Variants in PCDH9 observed in about 807,000 individuals in gnomAD.
PCDH9 encodes protocadherin 9.
A neutral mutation model predicts 70.6 loss-of-function variants in PCDH9; 24 were observed. That is an observed-to-expected ratio of 0.34 (90% CI 0.25 to 0.48). The LOEUF (loss-of-function observed/expected upper bound fraction) is 0.48, where lower values mean the gene tolerates loss of function less well. PCDH9 is among the 20% of genes least tolerant of loss of function. The probability of loss-of-function intolerance (pLI) is 0.99; values close to 1 mark genes in which losing one functional copy is unlikely to be tolerated. For synonymous variants in PCDH9, 562 were observed against 558.5 expected (o/e 1.01, Z -0.09); for missense variants, 1,281 against 1,503.6 (o/e 0.85, Z 2.45).
chr13:67,151,011 T>C (rs1165669159), intron 2 of PCDH9, among the ~76,000 whole-genome samples: 1 of 152,192 alleles, frequency 6.6e-6, no homozygotes, highest in African/African-American at 2.4e-5. Context: ...TAAGACTAGA[T>C]TCAACATGCA....
intron 4 of PCDH9, among the ~76,000 whole-genome samples, chr13:66,494,803 G>T (rs1360811985): frequency 6.6e-6 from 1 of 152,132 alleles, no homozygotes; most frequent in Non-Finnish European, 1.5e-5. Flanking sequence ...AGGGGAGATT[G>T]CTTTAAAGAG....
intron 2 of PCDH9, chr13:67,224,341 GCTGTACTACCAGCTTGATC>G (rs2089798867): frequency 6.6e-6 from 1 of 152,122 alleles, no homozygotes. Context: ...GGTATCTTTG[GCTGTACTACCAGCTTGATC>G]CTTCCCTCCC....
At position 66,574,190 on chromosome 13, in the gene PCDH9, C is replaced by T. The variant is rs1379823687; in HGVS notation, c.3340+57020G>A. Among the ~76,000 whole-genome samples, 4 of 152,268 alleles carry T rather than the reference C, an allele frequency of 2.6e-5. No homozygotes were observed. The East Asian group carries it at 5.8e-4, about 22-fold the overall frequency. On this transcript the variant is annotated intron_variant, in intron 4 of 4. Transcript: ENST00000377865. ...GCCATTGAATCTCCATATTGCTGAG[C>T]CTTAATTTGAATCCGATATTAATGA...
chr13:66,537,828 G>C (rs1232512847), intron 4 of PCDH9, among the ~76,000 whole-genome samples: 2 of 152,092 alleles, frequency 1.3e-5, no homozygotes, highest in Admixed American at 1.3e-4. Context: ...TGACCAAAGT[G>C]AGGTGAACAT....
Position 66,303,963 on chromosome 13 carries a change from A to G in PCDH9, c.*692T>C, listed in dbSNP as rs1329763872. On this transcript the variant is annotated 3_prime_UTR_variant, in exon 5 of 5. Coordinates refer to ENST00000377865, the MANE Select transcript of PCDH9 (RefSeq NM_203487.3). ...TGAACAATGTGTGTCAAGACAGACT[A>G]CTAACACAGAAACACCTCACTGAAA... The G allele has an allele frequency of 6.6e-6, 1 of 152,272 alleles. No homozygotes were observed. Among genetic ancestry groups the G allele is most frequent in the African/African-American group, 2.4e-5 (1 of 41,414 alleles). The allele number at this position is 152,272 out of a possible 1,614,324, so 9.4% of individuals were successfully genotyped here. A position where few individuals can be genotyped will look rare whatever the true frequency, so the allele number is the denominator to read the frequency against.
At chr13:66,849,486 G>GTATATATATATA (rs144181181) in intron 3 of PCDH9, among the ~76,000 whole-genome samples, 2 of 90,256 alleles carry the variant, frequency 2.2e-5, no homozygotes, top group African/African-American at 4.6e-5. Context: ...TCATAGGTAG[G>GTATATATATATA]TATATATATA....
intron 4 of PCDH9, among the ~76,000 whole-genome samples, chr13:66,602,513 G>A (rs1401527875): frequency 6.9e-6 from 1 of 145,472 alleles, no homozygotes; most frequent in Non-Finnish European, 1.5e-5. Context: ...AACAACAACA[G>A]AAAAGTATGA....
At chr13:67,220,289 C>T (rs1363822110) in intron 2 of PCDH9, 8 of 151,658 alleles carry the variant, frequency 5.3e-5, no homozygotes, top group Non-Finnish European at 7.4e-5. Flanking sequence ...AAAAAGGATG[C>T]GTTACAATGC....
At chr13:66,322,918 A>T (rs886830654) in intron 4 of PCDH9, among the ~76,000 whole-genome samples, 1 of 152,006 alleles carries the variant, frequency 6.6e-6, no homozygotes, top group Non-Finnish European at 1.5e-5. Flanking sequence ...CTCTTTTAAA[A>T]AATTCTTCTA....
intron 4 of PCDH9, among the ~76,000 whole-genome samples, chr13:66,478,289 C>T (rs530527402): frequency 6.6e-6 from 1 of 152,192 alleles, no homozygotes; most frequent in African/African-American, 2.4e-5. Flanking sequence ...TTCCTTGGAC[C>T]CTCCTATTCT....
intron 3 of PCDH9, among the ~76,000 whole-genome samples, chr13:66,865,362 A>C (rs1278024471): frequency 6.6e-6 from 1 of 152,170 alleles, no homozygotes; most frequent in Admixed American, 6.5e-5. Context: ...CATTATTTTT[A>C]TATATAGTCA....
chr13:66,304,720 C>G lies in PCDH9; in HGVS notation c.3649G>C (p.Ala1217Pro). 6.2e-7 allele frequency: 1 copy of G among 1,613,158 alleles called. No individual in the cohort carries two copies. The highest frequency in any genetic ancestry group is 8.5e-7 in the Non-Finnish European group (1 of 1,179,468). The change falls in exon 5 of 5, where the codon GCA becomes CCA. Residue 1217 changes from alanine to proline, a missense_variant. Coordinates refer to ENST00000377865, the MANE Select transcript of PCDH9 (RefSeq NM_203487.3). Reference sequence around the variant, plus strand: ...GCTTGCTTATAAGACTTCAGATTTGCCAGAGGAATGTCTGTCATGTGGCTG... The same window carrying G: ...GCTTGCTTATAAGACTTCAGATTTGGCAGAGGAATGTCTGTCATGTGGCTG... ...NGSHMTDIPL[A>P]NLKSYKQAGG...
chr13:66,523,021 G>A (rs530141437), intron 4 of PCDH9, among the ~76,000 whole-genome samples: 6 of 151,988 alleles, frequency 3.9e-5, no homozygotes, highest in Non-Finnish European at 8.8e-5. Flanking sequence ...TCTGAATAGA[G>A]CCCACTGCAT....
chr13:67,063,294 C>T (rs2085575400), intron 2 of PCDH9, among the ~76,000 whole-genome samples: 1 of 152,038 alleles, frequency 6.6e-6, no homozygotes, highest in Non-Finnish European at 1.5e-5. Context: ...GCCCACAATT[C>T]ATTGTGTACC....
intron 4 of PCDH9, among the ~76,000 whole-genome samples, chr13:66,334,087 T>C (rs1955988721): frequency 6.6e-6 from 1 of 152,168 alleles, no homozygotes; most frequent in Non-Finnish European, 1.5e-5. Flanking sequence ...ATATGCTTTA[T>C]TGTTAACTAC....
At position 66,701,004 on chromosome 13, in the gene PCDH9, C is replaced by G. The variant is rs1267399440; in HGVS notation, c.3139-69593G>C. ...CAGGTATAGGGCATTAATTTAGAGG[C>G]CTTTTTCTCCCTACTTATATATTTC... On this transcript the variant is annotated intron_variant, in intron 3 of 4. Coordinates refer to ENST00000377865, the MANE Select transcript of PCDH9 (RefSeq NM_203487.3). 2.3e-5 allele frequency among the ~76,000 whole-genome samples: 3 copies of G among 127,932 alleles called. No individual in the cohort carries two copies. The South Asian group carries it at 7.7e-4, about 33-fold the overall frequency. The allele number at this position is 127,932 out of a possible 152,430, so 83.9% of individuals were successfully genotyped here.
At chr13:66,555,715 T>C (rs1961707348) in intron 4 of PCDH9, among the ~76,000 whole-genome samples, 1 of 151,764 alleles carries the variant, frequency 6.6e-6, no homozygotes, top group African/African-American at 2.4e-5. Flanking sequence ...TTTCAGACTC[T>C]TATCTTCAGC....
chr13:66,496,632 T>G (rs1959122318), intron 4 of PCDH9, among the ~76,000 whole-genome samples: 1 of 152,210 alleles, frequency 6.6e-6, no homozygotes. Context: ...CCTTTAAAAA[T>G]GGCCTTTATA....
chr13:66,472,846 C>T (rs1958646113), intron 4 of PCDH9, among the ~76,000 whole-genome samples: 1 of 151,988 alleles, frequency 6.6e-6, no homozygotes. Context: ...ATATCCTATA[C>T]TGTAAAATAA....
Sources: allele counts gnomAD v4.1 joint callset (sites outside exome capture counted in the v4.1 genomes callset), GRCh38; gene constraint gnomAD v4.1.1; transcripts MANE v1.5; gene names NCBI Gene and HGNC (gene_info 2026-07-23, HGNC 2026-07-21).